The following ZC3H12B variants were observed in gnomAD, a reference collection of about 807,000 sequenced individuals.
ZC3H12B encodes probable ribonuclease ZC3H12B.
A neutral mutation model predicts 43.9 loss-of-function variants in ZC3H12B; 7 were observed. The observed-to-expected ratio is 0.16, with a 90% CI of 0.09 to 0.30. ZC3H12B has a LOEUF of 0.30. Ranked by LOEUF, ZC3H12B falls within the 10% of genes least tolerant of loss-of-function variation. ZC3H12B has a pLI of 1.00. For synonymous variants in ZC3H12B, 222 were observed against 241.7 expected, an observed-to-expected ratio of 0.92 and a Z score of 0.76; for missense variants, 475 against 670.2, an observed-to-expected ratio of 0.71 and a Z score of 3.22.
At chrX:65,345,870 C>A in the ZC3H12B span, among the ~76,000 whole-genome samples, 74 of 111,207 alleles carry the variant, frequency 6.7e-4, no homozygotes, top group African/African-American at 2.2e-3. Context: ...TTTCTATTTA[C>A]AATAGTCACA....
At chrX:65,259,816 C>A in the ZC3H12B span, among the ~76,000 whole-genome samples, 4 of 111,630 alleles carry the variant, frequency 3.6e-5, no homozygotes, top group Admixed American at 9.6e-5. Context: ...ACCATGGAAC[C>A]AGCCCAAATG....
At chrX:65,447,654 C>T (rs1237957595) in intron 3 of ZC3H12B, among the ~76,000 whole-genome samples, 2 of 111,950 alleles carry the variant, frequency 1.8e-5, no homozygotes, top group African/African-American at 6.5e-5. Flanking sequence ...AAACAAACAA[C>T]TCACAGAATG....
chrX:65,176,060 G>A, the ZC3H12B span, among the ~76,000 whole-genome samples: 91 of 111,905 alleles, frequency 8.1e-4, no homozygotes, highest in African/African-American at 2.8e-3. Flanking sequence ...ACCCTGGAAA[G>A]GAGGCTGAAG....
the ZC3H12B span, among the ~76,000 whole-genome samples, chrX:65,077,723 TG>T: frequency 8.9e-6 from 1 of 111,843 alleles, no homozygotes; most frequent in African/African-American, 3.2e-5. Context: ...AGGTTAAATT[TG>T]TTTTTGTTTT....
At chrX:65,057,741 T>C in the ZC3H12B span, among the ~76,000 whole-genome samples, 2 of 112,110 alleles carry the variant, frequency 1.8e-5, no homozygotes, top group African/African-American at 6.5e-5. Context: ...AGATTTGGTC[T>C]TTTCATATAG....
intron 3 of ZC3H12B, among the ~76,000 whole-genome samples, chrX:65,448,795 G>T (rs1197866148): frequency 1.9e-5 from 2 of 105,190 alleles, no homozygotes; most frequent in Admixed American, 1.0e-4. Flanking sequence ...TCCAGCCTGG[G>T]TGACAGAATG....
chrX:65,195,064 T>C, the ZC3H12B span, among the ~76,000 whole-genome samples: 3 of 108,866 alleles, frequency 2.8e-5, 1 homozygote, highest in Admixed American at 2.0e-4. Flanking sequence ...AAAGATGCAG[T>C]GTATTTGTTG....
chrX:65,358,066 A>T, the ZC3H12B span, among the ~76,000 whole-genome samples: 2 of 111,064 alleles, frequency 1.8e-5, no homozygotes, highest in Non-Finnish European at 3.8e-5. Flanking sequence ...GATAAAGCAG[A>T]TATTAAACCA....
chrX:65,314,621 T>C, the ZC3H12B span, among the ~76,000 whole-genome samples: 1 of 111,988 alleles, frequency 8.9e-6, no homozygotes, highest in Non-Finnish European at 1.9e-5. Context: ...AGAATTTGCT[T>C]CCAGCACACC....
chrX:65,342,647 A>C, the ZC3H12B span, among the ~76,000 whole-genome samples: 2 of 111,436 alleles, frequency 1.8e-5, no homozygotes, highest in Non-Finnish European at 3.8e-5. Context: ...TCTGGGACAA[A>C]GCTAAGGTAG....
chrX:65,108,740 A>G, the ZC3H12B span, among the ~76,000 whole-genome samples: 2 of 111,819 alleles, frequency 1.8e-5, no homozygotes, highest in South Asian at 3.7e-4. Context: ...ATCATTGTCA[A>G]ATATTATTTA....
chrX:65,090,881 G>A, the ZC3H12B span, among the ~76,000 whole-genome samples: 2 of 111,065 alleles, frequency 1.8e-5, no homozygotes, highest in African/African-American at 6.5e-5. Context: ...CTGTCCTTGC[G>A]TTAGTGAGTT....
chrX:65,499,868 C>T lies in ZC3H12B; in HGVS notation c.984-15C>T. On this transcript the variant is annotated splice_polypyrimidine_tract_variant and intron_variant, in intron 3 of 4. Transcript: ENST00000338957. ...CAGAAAGGAAGACAGTCACCTCTTG[C>T]TTACTTGCTTTCAGATTTATGCCTC... 8.4e-7 allele frequency: 1 copy of T among 1,191,621 alleles called. No homozygotes were observed.
the ZC3H12B span, among the ~76,000 whole-genome samples, chrX:65,217,961 AC>A: frequency 8.9e-6 from 1 of 112,241 alleles, no homozygotes; most frequent in South Asian, 3.7e-4. Context: ...GTCAAGAAAC[AC>A]CAAGAAGATT....
chrX:65,311,747 A>G, the ZC3H12B span, among the ~76,000 whole-genome samples: 2 of 111,952 alleles, frequency 1.8e-5, no homozygotes, highest in South Asian at 7.5e-4. Flanking sequence ...ACCAACCCAA[A>G]TGTCCATCAA....
chrX:65,257,791 G>A, the ZC3H12B span, among the ~76,000 whole-genome samples: 1 of 110,277 alleles, frequency 9.1e-6, no homozygotes, highest in African/African-American at 3.3e-5. Flanking sequence ...GAAGAAATGG[G>A]TAAATTTCTG....
chrX:65,214,934 A>G, the ZC3H12B span, among the ~76,000 whole-genome samples: 1 of 111,899 alleles, frequency 8.9e-6, no homozygotes, highest in Non-Finnish European at 1.9e-5. Flanking sequence ...ACACACCATG[A>G]AAACAACATT....
At chrX:65,336,102 A>G in the ZC3H12B span, among the ~76,000 whole-genome samples, 1 of 112,234 alleles carries the variant, frequency 8.9e-6, no homozygotes, top group Admixed American at 9.4e-5. Context: ...AATTCATACC[A>G]CAAAGTACAA....
At chrX:65,315,710 A>C in the ZC3H12B span, among the ~76,000 whole-genome samples, 3 of 112,312 alleles carry the variant, frequency 2.7e-5, no homozygotes, top group Non-Finnish European at 5.6e-5. Flanking sequence ...ATCAGGCCAC[A>C]CAGATGAGAA....
Sources: gnomAD v4.1 joint callset for allele counts (sites outside exome capture counted in the v4.1 genomes callset) on GRCh38, gnomAD v4.1.1 for gene constraint, MANE v1.5 for transcripts, NCBI Gene and HGNC (gene_info 2026-07-23, HGNC 2026-07-21) for gene names.